TRAPPC9: variants seen among roughly 807,000 people sequenced by gnomAD.
The protein encoded by TRAPPC9 is trafficking protein particle complex subunit 9.
In TRAPPC9, 83 loss-of-function variants were observed where a neutral mutation model predicts 124.0. The ratio of observed to expected loss-of-function variants is 0.67; its 90% CI spans 0.56 to 0.80. The LOEUF (loss-of-function observed/expected upper bound fraction) is 0.80. TRAPPC9 is among the 30% of genes least tolerant of loss of function. The pLI, the probability that TRAPPC9 is intolerant of heterozygous loss-of-function variation, is 0.00. For missense variants in TRAPPC9, 1,302 were observed against 1,508.3 expected (o/e 0.86, Z 2.27); for synonymous variants, 638 against 617.5 (o/e 1.03, Z -0.49).
chr8:140,129,812 G>A (rs1373682933), intron 17 of TRAPPC9, among the ~76,000 whole-genome samples: 6 of 152,224 alleles, frequency 3.9e-5, no homozygotes, highest in East Asian at 1.9e-4. Flanking sequence ...CATGTTTTGC[G>A]ATGTATAGAG....
chr8:140,141,555 G>T (rs1185839099), intron 17 of TRAPPC9, among the ~76,000 whole-genome samples: 1 of 152,192 alleles, frequency 6.6e-6, no homozygotes, highest in Non-Finnish European at 1.5e-5. Flanking sequence ...ACTGACCCAT[G>T]AGTCCTTCTA....
chr8:139,895,124 C>T (rs922905336), intron 20 of TRAPPC9, among the ~76,000 whole-genome samples: 1 of 152,148 alleles, frequency 6.6e-6, no homozygotes, highest in South Asian at 2.1e-4. Flanking sequence ...AGAGGCCAGG[C>T]TCTTTCCTGC....
intron 17 of TRAPPC9, among the ~76,000 whole-genome samples, chr8:140,070,777 T>C (rs1305823731): frequency 6.6e-6 from 1 of 152,104 alleles, no homozygotes; most frequent in Admixed American, 6.5e-5. Context: ...CCACACATGA[T>C]CAAAGCCATC....
At chr8:140,102,728 C>T (rs564148139) in intron 17 of TRAPPC9, among the ~76,000 whole-genome samples, 3 of 152,310 alleles carry the variant, frequency 2.0e-5, no homozygotes, top group East Asian at 1.9e-4. Flanking sequence ...TTCAGGAGGC[C>T]GGCCTGCAAA....
At chr8:140,422,930 T>C (rs1164294176) in intron 5 of TRAPPC9, among the ~76,000 whole-genome samples, 1 of 152,020 alleles carries the variant, frequency 6.6e-6, no homozygotes, top group Non-Finnish European at 1.5e-5. Flanking sequence ...AAAACTACAA[T>C]GAGACACCAG....
intron 21 of TRAPPC9, among the ~76,000 whole-genome samples, chr8:139,758,182 C>T (rs576661729): frequency 1.0e-3 from 154 of 152,320 alleles, no homozygotes; most frequent in Middle Eastern, 3.4e-3. Context: ...CCCTCAGGGC[C>T]GGGATGGCTG....
intron 17 of TRAPPC9, among the ~76,000 whole-genome samples, chr8:140,187,446 G>A (rs1047087948): frequency 6.6e-6 from 1 of 152,126 alleles, no homozygotes; most frequent in Admixed American, 6.5e-5. Context: ...TGCTTCCGAG[G>A]GTCCCACATG....
At chr8:140,198,823 TCTCTC>T (rs1488419547) in intron 17 of TRAPPC9, among the ~76,000 whole-genome samples, 1 of 152,166 alleles carries the variant, frequency 6.6e-6, no homozygotes, top group Non-Finnish European at 1.5e-5. Flanking sequence ...AGGAACCATG[TCTCTC>T]CTCTGGTAGT....
intron 19 of TRAPPC9, among the ~76,000 whole-genome samples, chr8:139,951,141 A>T (rs1260411510): frequency 1.3e-5 from 2 of 152,006 alleles, no homozygotes; most frequent in Non-Finnish European, 2.9e-5. Flanking sequence ...AATCACCCTG[A>T]CACCTCACAG....
intron 21 of TRAPPC9, among the ~76,000 whole-genome samples, chr8:139,819,408 T>G (rs1210014616): frequency 6.6e-6 from 1 of 152,088 alleles, no homozygotes; most frequent in Non-Finnish European, 1.5e-5. Context: ...CCTGAAAGCA[T>G]CCCCCACCAC....
chr8:139,981,986 G>A (rs546401346), intron 19 of TRAPPC9, among the ~76,000 whole-genome samples: 4 of 152,274 alleles, frequency 2.6e-5, no homozygotes, highest in African/African-American at 9.6e-5. Context: ...GGACAGAGCC[G>A]GGCATCTTAA....
chr8:139,846,273 G>T (rs1465713532), intron 21 of TRAPPC9, among the ~76,000 whole-genome samples: 4 of 152,202 alleles, frequency 2.6e-5, no homozygotes, highest in Non-Finnish European at 5.9e-5. Context: ...ATCAATCCCA[G>T]ATTGAACTGA....
intron 21 of TRAPPC9, among the ~76,000 whole-genome samples, chr8:139,838,093 T>C (rs957619319): frequency 6.6e-5 from 10 of 152,112 alleles, no homozygotes; most frequent in African/African-American, 2.4e-4. Context: ...CTCTTCTCTC[T>C]CTTTGTGGAA....
chr8:140,084,441 C>T (rs1211680080), intron 17 of TRAPPC9, among the ~76,000 whole-genome samples: 3 of 152,098 alleles, frequency 2.0e-5, no homozygotes, highest in Non-Finnish European at 4.4e-5. Context: ...TGAGCGTGTC[C>T]CTTCTCTGGT....
chr8:139,955,877 C>G (rs545395578), intron 19 of TRAPPC9, among the ~76,000 whole-genome samples: 325 of 152,340 alleles, frequency 2.1e-3, no homozygotes, highest in African/African-American at 7.5e-3. Flanking sequence ...TTCTGTGATG[C>G]CTGGTGTGGT....
chr8:139,903,151 C>T (rs1278050603), intron 20 of TRAPPC9, among the ~76,000 whole-genome samples: 5 of 152,132 alleles, frequency 3.3e-5, no homozygotes, highest in Non-Finnish European at 7.3e-5. Flanking sequence ...ATGGTTACAC[C>T]GTCCACATCC....
chr8:139,990,282 C>T (rs1255715324), intron 18 of TRAPPC9, among the ~76,000 whole-genome samples: 2 of 152,216 alleles, frequency 1.3e-5, no homozygotes, highest in Non-Finnish European at 2.9e-5. Context: ...AGAGGACAGC[C>T]ATGCTGCTGT....
At chr8:139,737,498 G>T (rs1409559432) in intron 21 of TRAPPC9, among the ~76,000 whole-genome samples, 1 of 120,888 alleles carries the variant, frequency 8.3e-6, no homozygotes, top group Non-Finnish European at 1.7e-5. Context: ...CCTGAGTCTG[G>T]TGTCTGGGTG....
intron 17 of TRAPPC9, among the ~76,000 whole-genome samples, chr8:140,186,654 C>T (rs1017590466): frequency 2.0e-5 from 3 of 152,060 alleles, no homozygotes; most frequent in African/African-American, 4.8e-5. Flanking sequence ...TCCTTTTCTT[C>T]TTCACTGTAT....
Sources: gnomAD v4.1 joint callset for allele counts (sites outside exome capture counted in the v4.1 genomes callset) on GRCh38, gnomAD v4.1.1 for gene constraint, MANE v1.5 for transcripts, NCBI Gene and HGNC (gene_info 2026-07-23, HGNC 2026-07-21) for gene names.